Variants in NDEL1 observed in about 807,000 individuals in gnomAD.
The protein encoded by NDEL1 is nuclear distribution protein nudE-like 1.
NDEL1 carries 9 observed loss-of-function variants against 45.7 expected under a neutral mutation model. The ratio of observed to expected loss-of-function variants is 0.20; its 90% CI spans 0.12 to 0.34. The LOEUF is 0.34. Ranked by LOEUF, NDEL1 falls within the 10% of genes least tolerant of loss-of-function variation. The pLI, the probability that NDEL1 is intolerant of heterozygous loss-of-function variation, is 1.00. For missense variants in NDEL1, 306 were observed against 406.2 expected (o/e 0.75, Z 2.12); for synonymous variants, 133 against 158.6 (o/e 0.84, Z 1.21).
At chr17:8,464,403 A>G (rs999559429) in intron 8 of NDEL1, 2 of 151,964 alleles carry the variant, frequency 1.3e-5, no homozygotes, top group Non-Finnish European at 2.9e-5. Context: ...TTCTCTTGCA[A>G]ATCTTTTCCC....
At chr17:8,415,949 A>G (rs1052345895) in intron 1 of NDEL1, among the ~76,000 whole-genome samples, 1 of 152,064 alleles carries the variant, frequency 6.6e-6, no homozygotes, top group African/African-American at 2.4e-5. Flanking sequence ...GGGTTTCACC[A>G]TGATGGCCAG....
intron 1 of NDEL1, among the ~76,000 whole-genome samples, chr17:8,428,885 A>G (rs62065593): frequency 0.43 from 64,546 of 150,266 alleles, 14,092 homozygotes; most frequent in Middle Eastern, 0.51. Context: ...GTGTTAGCCA[A>G]GATGGTCTCG....
At position 8,453,978 on chromosome 17, in the gene NDEL1, T is replaced by C. The variant is rs572714155; in HGVS notation, c.701-818T>C. ...GTGCTATTTCAGATGAGATGAGTTT[T>C]CCCTAAATGATACTAGGACAATTGG... On this transcript the variant is annotated intron_variant, in intron 6 of 8. Coordinates refer to ENST00000334527, the MANE Select transcript of NDEL1 (RefSeq NM_030808.5). Among the ~76,000 whole-genome samples, 3 of 152,278 alleles carry C rather than the reference T, an allele frequency of 2.0e-5. No individual in the cohort carries two copies. In the East Asian group the frequency reaches 5.8e-4, roughly 29 times the overall value.
chr17:8,432,986 C>T (rs1909054730), upstream of NDEL1, among the ~76,000 whole-genome samples: 1 of 152,022 alleles, frequency 6.6e-6, no homozygotes, highest in African/African-American at 2.4e-5. Flanking sequence ...ATGATTTTTG[C>T]TCTTGACTGG....
chr17:8,438,472 A>T (rs747703833), intron 1 of NDEL1, among the ~76,000 whole-genome samples: 2 of 152,214 alleles, frequency 1.3e-5, no homozygotes, highest in Non-Finnish European at 2.9e-5. Flanking sequence ...TCGTTTGAGT[A>T]TCTGCAGTGG....
intron 1 of NDEL1, among the ~76,000 whole-genome samples, chr17:8,413,444 G>C (rs560344992): frequency 1.3e-5 from 2 of 152,216 alleles, no homozygotes; most frequent in Non-Finnish European, 2.9e-5. Context: ...GTGGCATGAG[G>C]GTTGGGTGAC....
At chr17:8,416,971 T>C (rs1410504295) in intron 1 of NDEL1, among the ~76,000 whole-genome samples, 1 of 152,194 alleles carries the variant, frequency 6.6e-6, no homozygotes, top group East Asian at 1.9e-4. Flanking sequence ...TTCTCACTTC[T>C]TTTTTTGAAG....
intron 8 of NDEL1, among the ~76,000 whole-genome samples, 193 bp downstream of exon 8, chr17:8,460,353 C>T (rs1911120720): frequency 6.6e-6 from 1 of 152,114 alleles, no homozygotes; most frequent in South Asian, 2.1e-4. Flanking sequence ...CCCCAGGAAC[C>T]CTGAATCTGA....
chr17:8,448,691 A>G lies in NDEL1; in HGVS notation c.526+5A>G. On this transcript the variant is annotated splice_donor_5th_base_variant and intron_variant, in intron 5 of 8. Coordinates refer to ENST00000334527, the MANE Select transcript of NDEL1 (RefSeq NM_030808.5). ...GGTTAAAGGATGAAGCAAGAGGTAA[A>G]ATTTATAACTTAAAGAATACAGTTG... is the stretch of plus-strand genomic sequence containing the variant. The G allele has an allele frequency of 6.2e-7, 1 of 1,606,402 alleles. No homozygotes were observed. Among genetic ancestry groups the G allele is most frequent in the Non-Finnish European group, 8.5e-7 (1 of 1,174,822 alleles).
intron 1 of NDEL1, among the ~76,000 whole-genome samples, chr17:8,428,584 C>T (rs548126809): frequency 1.5e-4 from 22 of 151,484 alleles, no homozygotes; most frequent in East Asian, 3.9e-4. Context: ...AGGCTGGTCT[C>T]GAACTCCTGA....
At chr17:8,469,467 GTCAC>G (rs1176407962), downstream of NDEL1, among the ~76,000 whole-genome samples, 3 of 152,088 alleles carry the variant, frequency 2.0e-5, no homozygotes, top group Non-Finnish European at 4.4e-5. Context: ...CCAATTGCTG[GTCAC>G]TCAGTTGATA....
intron 8 of NDEL1, among the ~76,000 whole-genome samples, chr17:8,460,391 GA>G (rs1221022661): frequency 3.3e-5 from 5 of 152,164 alleles, no homozygotes; most frequent in Non-Finnish European, 7.3e-5. Context: ...GCAGACTCTT[GA>G]AAGGCAGCAG....
intron 7 of NDEL1, among the ~76,000 whole-genome samples, chr17:8,457,744 A>G (rs1459548321): frequency 1.3e-5 from 2 of 152,092 alleles, no homozygotes; most frequent in Non-Finnish European, 2.9e-5. Context: ...TAAAAGTGCA[A>G]ATTCCTGTCC....
chr17:8,447,844 G>A (rs1336793808), intron 4 of NDEL1, among the ~76,000 whole-genome samples: 2 of 152,048 alleles, frequency 1.3e-5, no homozygotes, highest in South Asian at 4.1e-4. Flanking sequence ...TTACAGATGC[G>A]GAGCTAGTCT....
intron 2 of NDEL1, chr17:8,444,902 A>G (rs1394266675): frequency 1.3e-5 from 2 of 152,230 alleles, no homozygotes; most frequent in East Asian, 3.8e-4. Context: ...TTTTTTAAAA[A>G]TGGGATCTTG....
At position 8,454,907 on chromosome 17, in the gene NDEL1, C is replaced by A; in HGVS notation, c.792+20C>A. On this transcript the variant is annotated intron_variant, in intron 7 of 8. Coordinates refer to ENST00000334527, the MANE Select transcript of NDEL1 (RefSeq NM_030808.5). ...GTAGGGGTAAGTTTCAATTATTTAT[C>A]ACTAGGTGTTTCCACTGACAAGGTA... 1 of 1,567,418 alleles carries A rather than the reference C, an allele frequency of 6.4e-7. No individual in the cohort carries two copies. Among genetic ancestry groups the A allele is most frequent in the South Asian group, 1.1e-5 (1 of 89,622 alleles).
downstream of NDEL1, among the ~76,000 whole-genome samples, chr17:8,470,871 G>A (rs983197641): frequency 2.0e-5 from 3 of 152,196 alleles, no homozygotes; most frequent in African/African-American, 4.8e-5. The surrounding 1 kb of genome is among the most constrained non-coding windows in gnomAD (Gnocchi z 4.2). Flanking sequence ...TGCCCGCTGC[G>A]CATGCTGACT....
intron 1 of NDEL1, among the ~76,000 whole-genome samples, chr17:8,422,267 C>T (rs545041274): frequency 1.4e-4 from 21 of 152,160 alleles, no homozygotes; most frequent in Admixed American, 2.6e-4. Context: ...GAAACAGCAA[C>T]GTGCTTGGAG....
At chr17:8,471,180 C>T (rs183527696), downstream of NDEL1, among the ~76,000 whole-genome samples, 10 of 152,298 alleles carry the variant, frequency 6.6e-5, no homozygotes, top group East Asian at 1.2e-3. Flanking sequence ...GACAGATTTT[C>T]GCTCTTGTTG....
Sources: allele counts gnomAD v4.1 joint callset (sites outside exome capture counted in the v4.1 genomes callset), GRCh38; gene constraint gnomAD v4.1.1; non-coding constraint Gnocchi (gnomAD v3.1); transcripts MANE v1.5; gene names NCBI Gene and HGNC (gene_info 2026-07-23, HGNC 2026-07-21).